Variants in ALDH1L2 observed in about 807,000 individuals in gnomAD.
ALDH1L2 encodes mitochondrial 10-formyltetrahydrofolate dehydrogenase.
ALDH1L2 carries 91 observed loss-of-function variants against 111.0 expected under a neutral mutation model. The ratio of observed to expected loss-of-function variants is 0.82; its 90% confidence interval spans 0.69 to 0.98. The LOEUF is 0.98. ALDH1L2 is among the 50% of genes least tolerant of loss of function. The pLI, the probability that ALDH1L2 is intolerant of heterozygous loss-of-function variation, is 0.00. For missense variants in ALDH1L2, 995 were observed against 1,126.8 expected, an observed-to-expected ratio of 0.88 and a Z score of 1.67; for synonymous variants, 374 against 392.6, an observed-to-expected ratio of 0.95 and a Z score of 0.56.
intron 7 of ALDH1L2, among the ~76,000 whole-genome samples, chr12:105,062,592 C>G (rs1467299333): frequency 6.6e-6 from 1 of 152,192 alleles, no homozygotes; most frequent in Non-Finnish European, 1.5e-5. Flanking sequence ...ATTCTCCTCT[C>G]TGTTATAAAG....
At chr12:105,032,063 G>T in intron 19 of ALDH1L2, 129 bp from the exon 20 acceptor site, 2 of 893,720 alleles carry the variant, frequency 2.2e-6, no homozygotes, top group Non-Finnish European at 3.1e-6. Context: ...AGCACCGGAG[G>T]TAGGTGGTTG....
Position 105,062,829 on chromosome 12 carries a change from C to T in ALDH1L2, c.921+59G>A, listed in dbSNP as rs1312381839. ...GGAGTGAAAGCTATTCCCTTAATAG[C>T]TTGGGTTATAGAAGAAAATCAAAAG... On this transcript the variant is annotated intron_variant, in intron 7 of 22. Coordinates refer to ENST00000258494, the MANE Select transcript of ALDH1L2 (RefSeq NM_001034173.4). 8.3e-6 allele frequency: 13 copies of T among 1,566,256 alleles called. No individual in the cohort carries two copies. The East Asian group carries it at 2.9e-4, about 35-fold the overall frequency.
chr12:105,039,927 G>A (rs895888324), intron 16 of ALDH1L2, 121 bp from the exon 17 acceptor site: 22 of 747,384 alleles, frequency 2.9e-5, no homozygotes, highest in Middle Eastern at 2.4e-4. Context: ...TCAGGAGATC[G>A]AGACCCGCCT....
At position 105,062,890 on chromosome 12, in the gene ALDH1L2, C is replaced by A. The variant is rs1486331416; in HGVS notation, c.919G>T (p.Ala307Ser). The change falls in exon 7 of 23, where the codon GCA becomes TCA. Residue 307 changes from alanine (A) to serine (S), a missense_variant and splice_region_variant. Coordinates refer to ENST00000258494, the MANE Select transcript of ALDH1L2 (RefSeq NM_001034173.4). ...AGGCAGCCATATTTAACACTCACTGCTTTTCCATCGTTACCAAAAAGAACA... is the reference window on the plus strand; with the variant it reads ...AGGCAGCCATATTTAACACTCACTGATTTTCCATCGTTACCAAAAAGAACA... ...GLVLFGNDGK[A>S]LTVRNLQFED... The A allele has an allele frequency of 1.2e-6, 2 of 1,610,234 alleles. No individual in the cohort carries two copies. The highest frequency in any genetic ancestry group is 1.7e-6 in the Non-Finnish European group (2 of 1,178,838).
intron 4 of ALDH1L2, among the ~76,000 whole-genome samples, chr12:105,067,215 C>CAAAAAA (rs11334156): frequency 1.9e-4 from 18 of 97,238 alleles, no homozygotes; most frequent in African/African-American, 2.4e-4. Context: ...GACTCTGTCT[C>CAAAAAA]AAAAAAAAAA....
chr12:105,042,167 A>T (rs1875575865), intron 15 of ALDH1L2, among the ~76,000 whole-genome samples: 1 of 152,190 alleles, frequency 6.6e-6, no homozygotes, highest in Non-Finnish European at 1.5e-5. Flanking sequence ...TAAATACATT[A>T]AAACCCATGA....
chr12:105,059,219 A>G (rs1466552923), intron 9 of ALDH1L2, among the ~76,000 whole-genome samples: 1 of 151,672 alleles, frequency 6.6e-6, no homozygotes, highest in Admixed American at 6.6e-5. Flanking sequence ...GTGAGCCAAG[A>G]TTGCGCCACT....
intron 2 of ALDH1L2, 51 bp from the exon 3 acceptor site, chr12:105,070,855 A>T (rs779920019): frequency 7.2e-7 from 1 of 1,387,660 alleles, no homozygotes; most frequent in Non-Finnish European, 1.0e-6. Flanking sequence ...ATAATTTTAC[A>T]TCACTATGAA....
At chr12:105,063,452 G>A (rs548841482) in intron 6 of ALDH1L2, among the ~76,000 whole-genome samples, 1 of 151,360 alleles carries the variant, frequency 6.6e-6, no homozygotes, top group Non-Finnish European at 1.5e-5. Flanking sequence ...CTCCAGCCTG[G>A]GCGACAGAGC....
chr12:105,032,397 C>T (rs1252913272), intron 19 of ALDH1L2, among the ~76,000 whole-genome samples: 2 of 152,028 alleles, frequency 1.3e-5, no homozygotes, highest in Admixed American at 6.6e-5. Flanking sequence ...TGCCACCACG[C>T]TCGGCTAATT....
Position 105,060,888 on chromosome 12 carries a change from G to C in ALDH1L2, c.1139+93C>G. The C allele has an allele frequency of 2.2e-6, 2 of 900,262 alleles. 1 individual carries two copies. Among genetic ancestry groups the C allele is most frequent in the South Asian group, 2.8e-5 (2 of 71,180 alleles). 55.8% of individuals were successfully genotyped at this position (900,262 alleles called of 1,614,324 possible). ...AGGTATGATAAGGTAATCACATCCA[G>C]AACAAAGGATGTGTGTGGATTTCAC... On this transcript the variant is annotated intron_variant, in intron 9 of 22. Transcript: ENST00000258494.
In ALDH1L2 at chr12:105,042,787, T is replaced by G. The variant is rs1040544034; in HGVS notation, c.1864-2093A>C. 6.6e-5 allele frequency among the ~76,000 whole-genome samples: 10 copies of G among 152,174 alleles called. No homozygotes were observed. The South Asian group carries it at 1.5e-3, about 22-fold the overall frequency. On this transcript the variant is annotated intron_variant, in intron 15 of 22. Transcript: ENST00000258494. ...TCAAATCAGCAAATACATATTTTCT[T>G]ATTTTCCCTTCTTTCTCACATAAAA...
intron 18 of ALDH1L2, among the ~76,000 whole-genome samples, chr12:105,036,705 T>C (rs1348149337): frequency 6.6e-6 from 1 of 150,884 alleles, no homozygotes; most frequent in East Asian, 1.9e-4. Flanking sequence ...AAACAAAGTA[T>C]AATGAATGCT....
chr12:105,082,350 A>G (rs4964331), intron 1 of ALDH1L2, among the ~76,000 whole-genome samples: 128,325 of 152,222 alleles, frequency 0.84, 54,226 homozygotes, highest in South Asian at 0.94. Context: ...ATGCCTATTT[A>G]TAATCAATCC....
chr12:105,046,209 ATATATATATATATTTT>A (rs1875874342), intron 15 of ALDH1L2, among the ~76,000 whole-genome samples: 25 of 52,778 alleles, frequency 4.7e-4, no homozygotes, highest in South Asian at 6.9e-4. Context: ...ATATATATAT[ATATATATATATATTTT>A]TTTTTTTTTT....
intron 1 of ALDH1L2, among the ~76,000 whole-genome samples, chr12:105,084,148 C>T (rs1341415349): frequency 1.3e-5 from 2 of 152,192 alleles, no homozygotes; most frequent in African/African-American, 4.8e-5. Flanking sequence ...GCATCCTCAG[C>T]CCCCTCCCGG....
In ALDH1L2 at chr12:105,050,013, A is replaced by G. The variant is rs777213406; in HGVS notation, c.1581T>C (p.Ile527=). 26 of 1,609,426 alleles carry G rather than the reference A, an allele frequency of 1.6e-5. No homozygotes were observed. Among genetic ancestry groups the G allele is most frequent in the Non-Finnish European group, 2.0e-5 (24 of 1,177,490 alleles). The change falls in exon 13 of 23, where the codon ATT becomes ATC. Residue 527 remains isoleucine (I), a synonymous_variant. Coordinates refer to ENST00000258494, the MANE Select transcript of ALDH1L2 (RefSeq NM_001034173.4). ...LEENQEELAT[I]EALDSGAVYT... is the part of the protein sequence containing the mutation. ...AGACAGCCCCTGAATCAAGGGCTTC[A>G]ATAGTTGCCAGCTCTTCTTGGTTCT...
chr12:105,070,816 AAAG>A lies in ALDH1L2; in HGVS notation c.194-15_194-13del, dbSNP rs767116914. On this transcript the variant is annotated splice_polypyrimidine_tract_variant and intron_variant, in intron 2 of 22. Coordinates refer to ENST00000258494, the MANE Select transcript of ALDH1L2 (RefSeq NM_001034173.4). ...CTCTGCAGCCAAAGCTGAGCATAAA[AAAG>A]AAGATTTTTTTTTTAGAAGTTAGCC... The A allele has an allele frequency of 2.6e-5, 42 of 1,591,172 alleles. No individual in the cohort carries two copies. The highest frequency in any genetic ancestry group is 3.2e-5 in the Non-Finnish European group (37 of 1,171,730).
At chr12:105,040,120 C>A (rs1434807226) in intron 16 of ALDH1L2, among the ~76,000 whole-genome samples, 1 of 105,506 alleles carries the variant, frequency 9.5e-6, no homozygotes, top group Non-Finnish European at 1.8e-5. Flanking sequence ...AGTGAGACTC[C>A]GTCTCAAAAA....
Sources: allele counts gnomAD v4.1 joint callset (sites outside exome capture counted in the v4.1 genomes callset), GRCh38; gene constraint gnomAD v4.1.1; transcripts MANE v1.5; gene names NCBI Gene and HGNC (gene_info 2026-07-23, HGNC 2026-07-21).